The following CFAP300 variants were observed in gnomAD, a reference collection of about 807,000 sequenced individuals.
The protein encoded by CFAP300 is cilia- and flagella-associated protein 300.
CFAP300 carries 32 observed loss-of-function variants against 33.0 expected under a neutral mutation model. The ratio of observed to expected loss-of-function variants is 0.97; its 90% CI spans 0.73 to 1.30. The LOEUF is 1.30. Among genes scored for constraint, CFAP300 ranks in the 50% most tolerant of loss-of-function variants. CFAP300 has a pLI of 0.00. For synonymous variants in CFAP300, 102 were observed against 106.8 expected (o/e 0.95, Z 0.28); for missense variants, 356 against 318.1 (o/e 1.12, Z -0.90).
At chr11:102,074,764 G>GTTGCAC (rs995272028) in intron 4 of CFAP300, among the ~76,000 whole-genome samples, 2 of 149,796 alleles carry the variant, frequency 1.3e-5, no homozygotes, top group African/African-American at 4.9e-5. Flanking sequence ...CAGTGGTGCA[G>GTTGCAC]TCACAGTTCG....
Position 102,066,592 on chromosome 11 carries a change from A to G in CFAP300, c.376A>G (p.Ile126Val). Reference sequence around the variant, plus strand: ...AGATATTGTACGAGACAGTGGACATATTGTTAAATGTTTAGATTCTTTTTG... The same window carrying G: ...AGATATTGTACGAGACAGTGGACATGTTGTTAAATGTTTAGATTCTTTTTG... The part of the protein sequence containing the change: ...DEDIVRDSGH[I>V]VKCLDSFCDP... Residue 126 changes from isoleucine to valine, a missense_variant, in exon 4 of 7, where the codon ATT becomes GTT. Coordinates refer to ENST00000434758, the MANE Select transcript of CFAP300 (RefSeq NM_032930.3). The G allele has an allele frequency of 6.2e-7, 1 of 1,610,700 alleles. No individual in the cohort carries two copies. Among genetic ancestry groups the G allele is most frequent in the South Asian group, 1.1e-5 (1 of 89,990 alleles).
chr11:102,065,971 C>CTT (rs59366521), intron 3 of CFAP300, among the ~76,000 whole-genome samples: 22 of 134,914 alleles, frequency 1.6e-4, no homozygotes, highest in South Asian at 4.8e-4. Flanking sequence ...TTGTTATAAA[C>CTT]TTTTTTTTTT....
intron 2 of CFAP300, among the ~76,000 whole-genome samples, 180 bp from the exon 3 acceptor site, chr11:102,058,700 G>T (rs999582791): frequency 6.6e-6 from 1 of 151,312 alleles, no homozygotes; most frequent in African/African-American, 2.4e-5. Flanking sequence ...TGTTCATACT[G>T]TTCCAAGTTG....
At chr11:102,078,421 G>A (rs1942429986) in intron 5 of CFAP300, among the ~76,000 whole-genome samples, 1 of 152,186 alleles carries the variant, frequency 6.6e-6, no homozygotes, top group Middle Eastern at 3.4e-3. Flanking sequence ...AGTTAGTGAT[G>A]GATAAAGATC....
chr11:102,084,174 A>T lies in CFAP300; in HGVS notation c.*975A>T, dbSNP rs1487949100. Reference sequence around the variant, plus strand: ...CAAAGAGTGAGAAGCAGGTTATCTTAGTACTGTTCCTTATTTCATTCATAG... The same window carrying T: ...CAAAGAGTGAGAAGCAGGTTATCTTTGTACTGTTCCTTATTTCATTCATAG... On this transcript the variant is annotated 3_prime_UTR_variant, in exon 7 of 7. Transcript: ENST00000434758. 6.6e-6 allele frequency: 1 copy of T among 152,240 alleles called. No individual in the cohort carries two copies. Among genetic ancestry groups the T allele is most frequent in the Non-Finnish European group, 1.5e-5 (1 of 68,040 alleles). The allele number at this position is 152,240 out of a possible 1,614,324, so 9.4% of individuals were successfully genotyped here. A position where few individuals can be genotyped will look rare whatever the true frequency, so the allele number is the denominator to read the frequency against.
At chr11:102,065,631 G>T (rs538164951) in intron 3 of CFAP300, among the ~76,000 whole-genome samples, 1 of 151,802 alleles carries the variant, frequency 6.6e-6, no homozygotes, top group Non-Finnish European at 1.5e-5. Context: ...GCCAGGCATG[G>T]TGGCACATGC....
At chr11:102,078,053 G>A (rs922810603) in intron 5 of CFAP300, among the ~76,000 whole-genome samples, 2 of 151,506 alleles carry the variant, frequency 1.3e-5, no homozygotes, top group Admixed American at 1.3e-4. Context: ...ACTACACCTG[G>A]CTAAGTTTTT....
chr11:102,058,946 A>G lies in CFAP300; in HGVS notation c.259A>G (p.Ile87Val), dbSNP rs765409539. 1.3e-6 allele frequency: 2 copies of G among 1,564,120 alleles called. No individual in the cohort carries two copies. Among genetic ancestry groups the G allele is most frequent in the African/African-American group, 2.7e-5 (2 of 73,276 alleles). ...KLLSDSSGQW[I>V]ILGTEVKKIE... ...ACTTTCAGATTCTTCTGGACAATGG[A>G]TCATATTAGGTAAATAAAATTTTCA... Residue 87 changes from isoleucine (I) to valine (V), a missense_variant, in exon 3 of 7, where the codon ATC (isoleucine) becomes GTC (valine). Transcript: ENST00000434758.
At position 102,076,068 on chromosome 11, in the gene CFAP300, T is replaced by A. The variant is rs1391724761; in HGVS notation, c.608+23T>A. 4 of 1,585,846 alleles carry A rather than the reference T, an allele frequency of 2.5e-6. No individual in the cohort carries two copies. The African/African-American group carries it at 5.4e-5, about 22-fold the overall frequency. ...GAGGTAATGTTGCTAGATCACAATA[T>A]GTAAATCTCTAGTTAATAGAATAAA... On this transcript the variant is annotated intron_variant, in intron 5 of 6. Coordinates refer to ENST00000434758, the MANE Select transcript of CFAP300 (RefSeq NM_032930.3).
intron 6 of CFAP300, 29 bp from the exon 7 acceptor site, chr11:102,083,039 AAAT>A (rs1942498274): frequency 8.4e-7 from 1 of 1,185,180 alleles, no homozygotes; most frequent in Non-Finnish European, 1.1e-6. Flanking sequence ...AAATAAAATA[AAAT>A]AATAATAATT....
chr11:102,052,648 T>A (rs1941988469), intron 2 of CFAP300, among the ~76,000 whole-genome samples: 1 of 152,248 alleles, frequency 6.6e-6, no homozygotes, highest in Non-Finnish European at 1.5e-5. Context: ...GTTCTCTTTC[T>A]TGTTAAATAG....
intron 2 of CFAP300, among the ~76,000 whole-genome samples, chr11:102,057,371 C>T (rs948903415): frequency 2.0e-5 from 3 of 150,180 alleles, no homozygotes; most frequent in Non-Finnish European, 3.0e-5. Flanking sequence ...AGAAAACTTT[C>T]GTTCCATGCA....
intron 2 of CFAP300, among the ~76,000 whole-genome samples, chr11:102,058,213 A>G (rs1187500116): frequency 6.6e-6 from 1 of 152,062 alleles, no homozygotes; most frequent in Non-Finnish European, 1.5e-5. Context: ...AGATGCTTCT[A>G]ATAAATTTTC....
At chr11:102,048,857 A>G (rs1417111388) in intron 2 of CFAP300, among the ~76,000 whole-genome samples, 1 of 152,036 alleles carries the variant, frequency 6.6e-6, no homozygotes, top group African/African-American at 2.4e-5. Flanking sequence ...CAGTTTATGA[A>G]GTTATCTTCA....
chr11:102,047,847 TC>T lies in CFAP300; in HGVS notation c.144del (p.Phe48LeufsTer29). 1 of 1,614,228 alleles carries T rather than the reference TC, an allele frequency of 6.2e-7. No individual in the cohort carries two copies. Among genetic ancestry groups the T allele is most frequent in the South Asian group, 1.1e-5 (1 of 91,088 alleles). On this transcript the variant is annotated frameshift_variant, in exon 2 of 7. Coordinates refer to ENST00000434758, the MANE Select transcript of CFAP300 (RefSeq NM_032930.3). LOFTEE classifies it high-confidence loss of function. Reference protein sequence around the residue: ...SMLGRIKAQAFGFDQTFQSYR... With the variant: ...SMLGRIKAQAXGFDQTFQSYR... ...CTGGGCAGAATCAAGGCGCAGGCGT[TC>T]GGCTTTGACCAGACCTTTCAGTCCT...
chr11:102,077,085 T>TACACAC (rs149311507), intron 5 of CFAP300, among the ~76,000 whole-genome samples: 6,900 of 150,500 alleles, frequency 0.046, 155 homozygotes, highest in Middle Eastern at 0.088. Flanking sequence ...ACCCTACACA[T>TACACAC]ACACACACAC....
intron 2 of CFAP300, among the ~76,000 whole-genome samples, chr11:102,058,424 T>C (rs903924749): frequency 6.6e-6 from 1 of 151,566 alleles, no homozygotes; most frequent in Middle Eastern, 3.2e-3. Context: ...ACTAAAACTC[T>C]TACCTGCTTT....
At chr11:102,079,425 A>G (rs957184136) in intron 5 of CFAP300, among the ~76,000 whole-genome samples, 2 of 152,236 alleles carry the variant, frequency 1.3e-5, no homozygotes, top group Middle Eastern at 3.2e-3. Context: ...AACTTGACCT[A>G]TGTCATAGAA....
chr11:102,084,537 A>G lies in CFAP300; in HGVS notation c.*1338A>G, dbSNP rs1252491631. 6.6e-6 allele frequency: 1 copy of G among 152,230 alleles called. No individual in the cohort carries two copies. Among genetic ancestry groups the G allele is most frequent in the Admixed American group, 6.5e-5 (1 of 15,282 alleles). The allele number at this position is 152,230 out of a possible 1,614,324, so 9.4% of individuals were successfully genotyped here. ...ATACCCATAGATTTTTTTAAATTACATAAAAACATAAAATCAAGAACTGAA... is the reference window on the plus strand; with the variant it reads ...ATACCCATAGATTTTTTTAAATTACGTAAAAACATAAAATCAAGAACTGAA... On this transcript the variant is annotated 3_prime_UTR_variant, in exon 7 of 7. Transcript: ENST00000434758.
Sources: allele counts gnomAD v4.1 joint callset (sites outside exome capture counted in the v4.1 genomes callset), GRCh38; gene constraint gnomAD v4.1.1; transcripts MANE v1.5; gene names NCBI Gene and HGNC (gene_info 2026-07-23, HGNC 2026-07-21).